The following NUP50 variants were observed in gnomAD, a reference collection of about 807,000 sequenced individuals.
The protein encoded by NUP50 is nuclear pore complex protein Nup50.
A neutral mutation model predicts 36.8 loss-of-function variants in NUP50; 14 were observed. The observed-to-expected ratio is 0.38, with a 90% confidence interval of 0.25 to 0.59. The LOEUF (loss-of-function observed/expected upper bound fraction) is 0.59. NUP50 is among the 20% of genes least tolerant of loss of function. NUP50 has a pLI of 0.63. For synonymous variants in NUP50, 195 were observed against 210.8 expected, an observed-to-expected ratio of 0.93 and a Z score of 0.65; for missense variants, 455 against 564.6, an observed-to-expected ratio of 0.81 and a Z score of 1.97.
chr22:45,181,634 CCCCAT>C (rs1021119241), intron 6 of NUP50, among the ~76,000 whole-genome samples: 2 of 152,222 alleles, frequency 1.3e-5, no homozygotes, highest in Admixed American at 1.3e-4. Flanking sequence ...ATCTTCCCAA[CCCCAT>C]CCCATCCCAT....
At chr22:45,183,678 ATAG>A in intron 7 of NUP50, 158 bp downstream of exon 7, 6 of 607,340 alleles carry the variant, frequency 9.9e-6, no homozygotes, top group Non-Finnish European at 1.5e-5. Context: ...TCCCAGGATA[ATAG>A]TGTGTAAGGA....
intron 5 of NUP50, among the ~76,000 whole-genome samples, chr22:45,180,699 G>A (rs1178328383): frequency 6.6e-6 from 1 of 152,138 alleles, no homozygotes; most frequent in Non-Finnish European, 1.5e-5. Flanking sequence ...TTTAAATGAT[G>A]GCCTAGGTCT....
chr22:45,164,303 A>T lies in NUP50; in HGVS notation c.-11+7A>T, dbSNP rs564607. On this transcript the variant is annotated splice_region_variant and intron_variant, in intron 1 of 7. Transcript: ENST00000347635. ...AGCGGCGGCCGCCGAGGAGGTGAGG[A>T]GCGGCGGCGGGCGCGGGAGGAGAAG... 1.3e-5 allele frequency: 2 copies of T among 153,010 alleles called. No homozygotes were observed. Among genetic ancestry groups the T allele is most frequent in the African/African-American group, 4.8e-5 (2 of 41,450 alleles). The allele number at this position is 153,010 out of a possible 1,614,324, so 9.5% of individuals were successfully genotyped here. A position where few individuals can be genotyped will look rare whatever the true frequency, so the allele number is the denominator to read the frequency against.
At chr22:45,176,221 A>T (rs886922336) in intron 4 of NUP50, 141 bp downstream of exon 4, 1 of 917,216 alleles carries the variant, frequency 1.1e-6, no homozygotes, top group Non-Finnish European at 1.6e-6. Flanking sequence ...GATGGAACTT[A>T]GGGAGGTGTC....
chr22:45,181,319 A>G lies in NUP50; in HGVS notation c.1037A>G (p.Lys346Arg). Residue 346 changes from lysine (K) to arginine (R), a missense_variant, in exon 6 of 8, where the codon AAA (lysine) becomes AGA (arginine). Transcript: ENST00000347635. ...GDEEENDEPP[K>R]VVVTEVKEED... Reference sequence around the variant, plus strand: ...GAAGAAGAGAATGATGAGCCACCCAAAGTAGTAGTTACCGAAGTAAAAGAA... The same window carrying G: ...GAAGAAGAGAATGATGAGCCACCCAGAGTAGTAGTTACCGAAGTAAAAGAA... The G allele has an allele frequency of 6.3e-7, 1 of 1,594,740 alleles. No homozygotes were observed. The highest frequency in any genetic ancestry group is 1.1e-5 in the South Asian group (1 of 87,596).
intron 6 of NUP50, 96 bp downstream of exon 6, chr22:45,181,463 C>CA: frequency 1.5e-6 from 1 of 677,212 alleles, no homozygotes; most frequent in Non-Finnish European, 2.4e-6. Flanking sequence ...ACTGAGCTTC[C>CA]AGTCTCGGGG....
chr22:45,185,618 G>A lies in NUP50; in HGVS notation c.*963G>A, dbSNP rs2074457471. On this transcript the variant is annotated 3_prime_UTR_variant, in exon 8 of 8. Transcript: ENST00000347635. The stretch of plus-strand genomic sequence containing the variant: ...ACTAGGAAACATGTAATAAAGTCAT[G>A]GAAGAGAAAATCGTGTGTAAACTTT... The A allele has an allele frequency of 6.6e-6, 1 of 152,208 alleles. No homozygotes were observed. Among genetic ancestry groups the A allele is most frequent in the East Asian group, 1.9e-4 (1 of 5,204 alleles). The allele number at this position is 152,208 out of a possible 1,614,324, so 9.4% of individuals were successfully genotyped here.
chr22:45,173,811 G>C (rs1455969471), intron 3 of NUP50, among the ~76,000 whole-genome samples: 1 of 152,220 alleles, frequency 6.6e-6, no homozygotes, highest in Non-Finnish European at 1.5e-5. Context: ...AGGGATGAGG[G>C]AAGGAGAGGG....
intron 4 of NUP50, among the ~76,000 whole-genome samples, chr22:45,177,451 G>T (rs901532601): frequency 2.0e-5 from 3 of 152,194 alleles, no homozygotes; most frequent in African/African-American, 7.2e-5. Flanking sequence ...AAAGTGTTGG[G>T]ATTACATGCG....
intron 5 of NUP50, among the ~76,000 whole-genome samples, chr22:45,179,538 C>T (rs2074332864): frequency 6.6e-6 from 1 of 152,174 alleles, no homozygotes; most frequent in South Asian, 2.1e-4. Flanking sequence ...ATGCTGCTTC[C>T]TCACATGGTG....
chr22:45,178,396 G>T lies in NUP50; in HGVS notation c.499G>T (p.Val167Leu), dbSNP rs926954823. The T allele has an allele frequency of 3.1e-6, 5 of 1,613,746 alleles. No homozygotes were observed. Among genetic ancestry groups the T allele is most frequent in the South Asian group, 2.2e-5 (2 of 91,068 alleles). The stretch of plus-strand genomic sequence containing the variant: ...GCAGTTGGCCGCCTTGAACTGCTCC[G>T]TGCGGGATTGGATAGTGAAGCACGT... ...HKQLAALNCS[V>L]RDWIVKHVNT... The change falls in exon 5 of 8, where the codon GTG becomes TTG. Residue 167 changes from valine to leucine, a missense_variant. Val to Leu is a conservative substitution (Grantham distance 32). This residue lies in a region of NUP50 where 166 missense variants were observed against 202.8 expected (regional missense o/e 0.82). Coordinates refer to ENST00000347635, the MANE Select transcript of NUP50 (RefSeq NM_007172.4).
chr22:45,165,228 T>G (rs999111339), intron 1 of NUP50, among the ~76,000 whole-genome samples: 7 of 152,150 alleles, frequency 4.6e-5, no homozygotes, highest in Non-Finnish European at 7.3e-5. Flanking sequence ...AACGCAAACG[T>G]TTTTTAAATT....
rs547927713 is a variant in NUP50 at position 45,175,817 on chromosome 22, G to A, written c.154-77G>A. ...TGGAGTCTAGGTGCTGTTTAGCCAA[G>A]ATGCTGTTGTCACTCACTTGCTTTT... On this transcript the variant is annotated intron_variant, in intron 3 of 7. Coordinates refer to ENST00000347635, the MANE Select transcript of NUP50 (RefSeq NM_007172.4). The A allele has an allele frequency of 3.4e-6, 5 of 1,450,990 alleles. No individual in the cohort carries two copies. The East Asian group carries it at 6.8e-5, about 20-fold the overall frequency. The allele number at this position is 1,450,990 out of a possible 1,614,324, so 89.9% of individuals were successfully genotyped here. A position where few individuals can be genotyped will look rare whatever the true frequency, so the allele number is the denominator to read the frequency against.
At position 45,187,724 on chromosome 22, in the gene NUP50, A is replaced by G. The variant is rs1030138996; in HGVS notation, c.*3069A>G. On this transcript the variant is annotated 3_prime_UTR_variant, in exon 8 of 8. Transcript: ENST00000347635. Reference sequence around the variant, plus strand: ...GCAGATGACAGGGAGGTCTTTTCCAAGCAGGCACTCAGAACACAGGTCACC... The same window carrying G: ...GCAGATGACAGGGAGGTCTTTTCCAGGCAGGCACTCAGAACACAGGTCACC... The G allele has an allele frequency of 1.3e-5, 2 of 152,336 alleles. No homozygotes were observed. The highest frequency in any genetic ancestry group is 1.9e-4 in the East Asian group (1 of 5,204). The allele number at this position is 152,336 out of a possible 1,614,324, so 9.4% of individuals were successfully genotyped here.
In NUP50 at chr22:45,175,830, C is replaced by T. The variant is rs76826505; in HGVS notation, c.154-64C>T. 1,076 of 1,543,216 alleles carry T rather than the reference C, an allele frequency of 7.0e-4. 7 individuals carry two copies. The African/African-American group carries it at 0.013, about 19-fold the overall frequency. On this transcript the variant is annotated intron_variant, in intron 3 of 7. Transcript: ENST00000347635. Reference sequence around the variant, plus strand: ...CTGTTTAGCCAAGATGCTGTTGTCACTCACTTGCTTTTTGGTAATAGAAAG... The same window carrying T: ...CTGTTTAGCCAAGATGCTGTTGTCATTCACTTGCTTTTTGGTAATAGAAAG...
At chr22:45,174,315 C>G (rs1408814547) in intron 3 of NUP50, among the ~76,000 whole-genome samples, 1 of 151,862 alleles carries the variant, frequency 6.6e-6, no homozygotes, top group African/African-American at 2.4e-5. Context: ...GTAGCTGGGA[C>G]TACAGGCATG....
chr22:45,184,904 T>G lies in NUP50; in HGVS notation c.*249T>G. 1 of 520,350 alleles carries G rather than the reference T, an allele frequency of 1.9e-6. No homozygotes were observed. The allele number at this position is 520,350 out of a possible 1,614,324, so 32.2% of individuals were successfully genotyped here. A position where few individuals can be genotyped will look rare whatever the true frequency, so the allele number is the denominator to read the frequency against. ...ATGCAATTTTTGGAAGATTTTTTAA[T>G]GTTCGTTTATTAAACTAACCCTAAG... is the stretch of plus-strand genomic sequence containing the variant. On this transcript the variant is annotated 3_prime_UTR_variant, in exon 8 of 8. Transcript: ENST00000347635.
intron 2 of NUP50, among the ~76,000 whole-genome samples, chr22:45,170,392 G>A (rs1050493435): frequency 2.0e-5 from 3 of 152,132 alleles, no homozygotes; most frequent in African/African-American, 7.2e-5. Flanking sequence ...TATCAGCAGT[G>A]TGTTACCCCC....
intron 3 of NUP50, among the ~76,000 whole-genome samples, chr22:45,173,354 T>G (rs1042207661): frequency 3.6e-4 from 52 of 143,792 alleles, no homozygotes; most frequent in Middle Eastern, 3.5e-3. Context: ...TTTTTTTTTT[T>G]GTCTGGTTTG....
Sources: allele counts gnomAD v4.1 joint callset (sites outside exome capture counted in the v4.1 genomes callset), GRCh38; gene constraint gnomAD v4.1.1; regional missense constraint gnomAD v4.1.1; transcripts MANE v1.5; gene names NCBI Gene and HGNC (gene_info 2026-07-23, HGNC 2026-07-21).